The following CACNA2D4 variants were observed in gnomAD, a reference collection of about 807,000 sequenced individuals.
CACNA2D4 encodes voltage-dependent calcium channel subunit alpha-2/delta-4.
A neutral mutation model predicts 163.8 loss-of-function variants in CACNA2D4; 157 were observed. That is an observed-to-expected ratio of 0.96 (90% confidence interval 0.84 to 1.09). The LOEUF is 1.09. Ranked by LOEUF, CACNA2D4 falls within the 50% of genes least tolerant of loss-of-function variation. The pLI is 0.00. For missense variants in CACNA2D4, 1,410 were observed against 1,479.9 expected (o/e 0.95, Z 0.78); for synonymous variants, 598 against 586.9 (o/e 1.02, Z -0.27).
chr12:1,918,264 G>A lies in CACNA2D4; in HGVS notation c.210C>T (p.Ala70=). 7 of 1,602,450 alleles carry A rather than the reference G, an allele frequency of 4.4e-6. No individual in the cohort carries two copies. Among genetic ancestry groups the A allele is most frequent in the Non-Finnish European group, 6.0e-6 (7 of 1,174,642 alleles). ...GTSLSPAWGQ[A]KIPLETVKLW... ...ATGCTTACGTTTCCAGAGGAATCTTGGCCTGTCCCCACGCAGGGGACAGGG... is the reference window on the plus strand; with the variant it reads ...ATGCTTACGTTTCCAGAGGAATCTTAGCCTGTCCCCACGCAGGGGACAGGG... The change falls in exon 1 of 38, where the codon GCC becomes GCT. Residue 70 remains alanine, a synonymous_variant. Transcript: ENST00000382722.
intron 6 of CACNA2D4, among the ~76,000 whole-genome samples, chr12:1,905,775 A>G (rs1866646345): frequency 6.6e-6 from 1 of 152,194 alleles, no homozygotes; most frequent in South Asian, 2.1e-4. Context: ...GTACTGCCCA[A>G]GGTGGTCTAC....
intron 18 of CACNA2D4, among the ~76,000 whole-genome samples, chr12:1,868,203 C>T (rs1264391152): frequency 3.9e-5 from 6 of 152,190 alleles, no homozygotes; most frequent in Non-Finnish European, 8.8e-5. Flanking sequence ...GATATTGAAA[C>T]AACTGAAGTA....
intron 29 of CACNA2D4, among the ~76,000 whole-genome samples, chr12:1,805,940 G>A (rs1197467415): frequency 3.3e-5 from 5 of 152,226 alleles, no homozygotes; most frequent in Admixed American, 1.3e-4. Flanking sequence ...AACAGGAGCC[G>A]AGGCCCAGAA....
At chr12:1,898,906 G>A (rs967878156) in intron 6 of CACNA2D4, among the ~76,000 whole-genome samples, 1 of 152,112 alleles carries the variant, frequency 6.6e-6, no homozygotes, top group Non-Finnish European at 1.5e-5. Context: ...GGCATAGAAT[G>A]AGGGTGCCAG....
At chr12:1,827,319 C>G (rs550848178) in intron 26 of CACNA2D4, 2 of 152,694 alleles carry the variant, frequency 1.3e-5, no homozygotes, top group Non-Finnish European at 2.9e-5. Flanking sequence ...CCTTGTCCCC[C>G]GCGAAGGAAG....
intron 26 of CACNA2D4, among the ~76,000 whole-genome samples, chr12:1,817,556 G>A (rs1278213176): frequency 2.6e-5 from 4 of 152,162 alleles, no homozygotes; most frequent in African/African-American, 7.2e-5. Context: ...CTGTACTGCT[G>A]CCATCTCGGC....
At chr12:1,794,169 G>A (rs1282361580) in intron 37 of CACNA2D4, among the ~76,000 whole-genome samples, 4 of 152,144 alleles carry the variant, frequency 2.6e-5, no homozygotes. Context: ...CCCTCACATT[G>A]CTCGATCATT....
At position 1,806,698 on chromosome 12, in the gene CACNA2D4, C is replaced by T. The variant is rs1054308629; in HGVS notation, c.2721+3580G>A. On this transcript the variant is annotated intron_variant, in intron 29 of 37. Coordinates refer to ENST00000382722, the MANE Select transcript of CACNA2D4 (RefSeq NM_172364.5). The surrounding 1 kb of genome is among the most constrained non-coding windows in gnomAD (Gnocchi z 4.1). ...GGGAGGGTTCTCAACCCACCATGCA[C>T]CCAGTCACCTGGAGGGCCCCTTTGA... Among the ~76,000 whole-genome samples, 1 of 152,142 alleles carries T rather than the reference C, an allele frequency of 6.6e-6. No individual in the cohort carries two copies. Among genetic ancestry groups the T allele is most frequent in the Non-Finnish European group, 1.5e-5 (1 of 68,010 alleles).
At chr12:1,816,806 ATGCACACACACT>A (rs1339558665) in intron 26 of CACNA2D4, among the ~76,000 whole-genome samples, 1 of 152,146 alleles carries the variant, frequency 6.6e-6, no homozygotes, top group African/African-American at 2.4e-5. Flanking sequence ...ACACACATGC[ATGCACACACACT>A]TGCACACACA....
In CACNA2D4 at chr12:1,878,557, A is replaced by T. The variant is rs560375719; in HGVS notation, c.1645-168T>A. 32 of 1,302,434 alleles carry T rather than the reference A, an allele frequency of 2.5e-5. No individual in the cohort carries two copies. In the South Asian group the frequency reaches 3.8e-4, roughly 16 times the overall value. 80.7% of individuals were successfully genotyped at this position (1,302,434 alleles called of 1,614,324 possible). The stretch of plus-strand genomic sequence containing the variant: ...AGTGCCATGCTTCCATCATTGATTG[A>T]GGAGTCCTTTCCAAACCGGACTGTT... On this transcript the variant is annotated intron_variant, in intron 15 of 37. Coordinates refer to ENST00000382722, the MANE Select transcript of CACNA2D4 (RefSeq NM_172364.5). This position sits in a 1 kb window ranked among gnomAD's most constrained non-coding sequence, Gnocchi z 4.6.
chr12:1,853,947 C>T lies in CACNA2D4; in HGVS notation c.2246+4G>A. On this transcript the variant is annotated splice_donor_region_variant and intron_variant, in intron 23 of 37. Transcript: ENST00000382722. ...GGCCTGGGAACCTGGGAACCTGGAC[C>T]TACTCGGACATGTTGAGGGCCAGCG... 1.9e-6 allele frequency: 3 copies of T among 1,611,678 alleles called. No homozygotes were observed. Among genetic ancestry groups the T allele is most frequent in the Non-Finnish European group, 1.7e-6 (2 of 1,178,464 alleles).
At position 1,834,383 on chromosome 12, in the gene CACNA2D4, T is replaced by C; in HGVS notation, c.2551+6356A>G. On this transcript the variant is annotated intron_variant, in intron 26 of 37. Coordinates refer to ENST00000382722, the MANE Select transcript of CACNA2D4 (RefSeq NM_172364.5). This position sits in a 1 kb window ranked among gnomAD's most constrained non-coding sequence, Gnocchi z 7.6. ...CTCCCAGCTGGAGGACGAGAATAGC[T>C]CAGCTGGGCTGGATATTCCTGGGCC... 1 of 1,613,134 alleles carries C rather than the reference T, an allele frequency of 6.2e-7. No individual in the cohort carries two copies. The highest frequency in any genetic ancestry group is 8.5e-7 in the Non-Finnish European group (1 of 1,179,984).
intron 18 of CACNA2D4, among the ~76,000 whole-genome samples, chr12:1,867,615 A>G (rs1865682360): frequency 6.6e-6 from 1 of 152,230 alleles, no homozygotes; most frequent in South Asian, 2.1e-4. Context: ...AATCAATAAA[A>G]TGAAATGGCA....
chr12:1,896,700 C>T (rs1866415610), intron 6 of CACNA2D4, among the ~76,000 whole-genome samples: 1 of 150,996 alleles, frequency 6.6e-6, no homozygotes, highest in Non-Finnish European at 1.5e-5. Flanking sequence ...ACTCATATGC[C>T]ATTGGTGGGA....
chr12:1,902,633 A>C (rs1252325515), intron 6 of CACNA2D4, among the ~76,000 whole-genome samples: 1 of 152,104 alleles, frequency 6.6e-6, no homozygotes, highest in African/African-American at 2.4e-5. Flanking sequence ...AAATAAAATA[A>C]AATACCTGGA....
chr12:1,907,090 C>T (rs7969511), intron 6 of CACNA2D4, among the ~76,000 whole-genome samples: 10,029 of 152,312 alleles, frequency 0.066, 517 homozygotes, highest in Non-Finnish European at 0.099. Context: ...GGCGAGTGCG[C>T]CTCATTTTTC....
chr12:1,856,028 C>A lies in CACNA2D4; in HGVS notation c.2136G>T (p.Lys712Asn). The A allele has an allele frequency of 6.2e-7, 1 of 1,613,782 alleles. No homozygotes were observed. Among genetic ancestry groups the A allele is most frequent in the Non-Finnish European group, 8.5e-7 (1 of 1,179,690 alleles). ...LEAMIRFLTR[K>N]DPDLECDEEL... ...AGCACTCACACTCCAGGTCTGGGTC[C>A]TTCCTGGTGAGGAAGCGGATCATGG... is the stretch of plus-strand genomic sequence containing the variant. The change falls in exon 22 of 38, where the codon AAG becomes AAT. Residue 712 changes from lysine (K) to asparagine (N), a missense_variant. Transcript: ENST00000382722.
rs755130674 is a variant in CACNA2D4 at position 1,918,435 on chromosome 12, G to A, written c.39C>T (p.Asn13=). 2 of 1,586,696 alleles carry A rather than the reference G, an allele frequency of 1.3e-6. No homozygotes were observed. The highest frequency in any genetic ancestry group is 1.7e-6 in the Non-Finnish European group (2 of 1,166,982). ...CGCSALLPLP[N]PRPTMPATPN... ...GAGTTGCAGGCATGGTGGGCCTGGG[G>A]TTGGGGAGGGGAAGGAGGGCAGAGC... Residue 13 remains asparagine (N), a synonymous_variant, in exon 1 of 38, where the codon AAC becomes AAT. Transcript: ENST00000382722.
Position 1,810,555 on chromosome 12 carries a change from G to A in CACNA2D4, c.2646C>T (p.Ser882=), listed in dbSNP as rs778327329. 1.9e-6 allele frequency: 3 copies of A among 1,553,638 alleles called. No homozygotes were observed. The highest frequency in any genetic ancestry group is 4.9e-5 in the East Asian group (2 of 41,016). Residue 882 remains serine, a synonymous_variant, in exon 28 of 38, where the codon AGC becomes AGT. Transcript: ENST00000382722. Reference sequence around the variant, plus strand: ...GGGCAGAACTTACACTGTCCTCGCAGCTCTGTGTGCACGGCCCATCCACAG... The same window carrying A: ...GGGCAGAACTTACACTGTCCTCGCAACTCTGTGTGCACGGCCCATCCACAG... ...CSTVDGPCTQ[S]CEDSDLDCFV...
Sources: gnomAD v4.1 joint callset for allele counts (sites outside exome capture counted in the v4.1 genomes callset) on GRCh38, gnomAD v4.1.1 for gene constraint, Gnocchi (gnomAD v3.1) non-coding constraint, MANE v1.5 for transcripts, NCBI Gene and HGNC (gene_info 2026-07-23, HGNC 2026-07-21) for gene names.